GALNT11: variants seen among roughly 807,000 people sequenced by gnomAD.
GALNT11 encodes UDP-GalNAc:polypeptide N-acetylgalactosaminyltransferase 11.
Under a neutral mutation model 72.7 loss-of-function variants are expected in GALNT11, and 47 were observed. The observed-to-expected ratio is 0.65, with a 90% CI of 0.51 to 0.82. GALNT11 has a LOEUF of 0.82. Ranked by LOEUF, GALNT11 falls within the 40% of genes least tolerant of loss-of-function variation. The probability of loss-of-function intolerance (pLI) is 0.00; values close to 1 mark genes in which losing one functional copy is unlikely to be tolerated. For missense variants in GALNT11, 677 were observed against 778.4 expected, an observed-to-expected ratio of 0.87 and a Z score of 1.55; for synonymous variants, 270 against 286.6, an observed-to-expected ratio of 0.94 and a Z score of 0.58.
chr7:152,116,286 T>C lies in GALNT11; in HGVS notation c.1234-871T>C, dbSNP rs116725319. On this transcript the variant is annotated intron_variant, in intron 8 of 11. Transcript: ENST00000430044. ...TGTTTTTTGAATCAGAGTCTTACTC[T>C]GTTGCCCAGGCTGTAGTGCAGTGGC... is the stretch of plus-strand genomic sequence containing the variant. Among the ~76,000 whole-genome samples the C allele has an allele frequency of 6.8e-3, 1,032 of 152,312 alleles. 14 individuals carry two copies. The highest frequency in any genetic ancestry group is 0.023 in the African/African-American group (970 of 41,578).
intron 2 of GALNT11, among the ~76,000 whole-genome samples, chr7:152,098,432 AT>A (rs201497420): frequency 3.3e-5 from 5 of 151,818 alleles, no homozygotes; most frequent in East Asian, 1.9e-4. Flanking sequence ...CTCAAAAAAA[AT>A]AAATAAATAA....
intron 1 of GALNT11, among the ~76,000 whole-genome samples, chr7:152,087,768 T>G (rs528800484): frequency 1.3e-5 from 2 of 152,296 alleles, no homozygotes; most frequent in South Asian, 4.1e-4. Context: ...AAGGGTGGTG[T>G]TTTGTGTGTC....
chr7:152,026,977 C>A (rs536473753), intron 1 of GALNT11, among the ~76,000 whole-genome samples: 1 of 152,172 alleles, frequency 6.6e-6, no homozygotes, highest in Non-Finnish European at 1.5e-5. Flanking sequence ...TAGCCGGGTG[C>A]GGTGGCTCAC....
chr7:152,119,162 C>T (rs918446696), intron 10 of GALNT11: 9 of 154,958 alleles, frequency 5.8e-5, no homozygotes, highest in Admixed American at 1.3e-4. Flanking sequence ...TAATATTATG[C>T]GGAATAAATT....
intron 1 of GALNT11, among the ~76,000 whole-genome samples, chr7:152,061,221 C>G (rs995509431): frequency 8.5e-5 from 13 of 152,130 alleles, no homozygotes; most frequent in Admixed American, 1.3e-4. Flanking sequence ...TCTCTGATGG[C>G]CAGTGATGAT....
intron 9 of GALNT11, chr7:152,117,776 G>C (rs879582776): frequency 1.0e-5 from 2 of 195,176 alleles, no homozygotes; most frequent in Admixed American, 5.7e-5. Context: ...GTGGTAGTGA[G>C]GGTCAGAGTG....
chr7:152,090,548 C>T (rs749408693), intron 1 of GALNT11, among the ~76,000 whole-genome samples: 6 of 152,288 alleles, frequency 3.9e-5, no homozygotes, highest in African/African-American at 7.2e-5. Context: ...CTAGTTACTT[C>T]GTTACCATTG....
At chr7:152,079,926 G>A (rs1251698885) in intron 1 of GALNT11, among the ~76,000 whole-genome samples, 1 of 152,114 alleles carries the variant, frequency 6.6e-6, no homozygotes, top group African/African-American at 2.4e-5. Context: ...TATCTTACAA[G>A]AAAATAGCTG....
intron 1 of GALNT11, among the ~76,000 whole-genome samples, chr7:152,069,097 C>T (rs1216203648): frequency 2.0e-5 from 3 of 152,190 alleles, no homozygotes; most frequent in Non-Finnish European, 4.4e-5. Context: ...TTTCTCTAAA[C>T]ACTGTGTGCT....
intron 5 of GALNT11, among the ~76,000 whole-genome samples, chr7:152,106,508 C>G (rs1175586631): frequency 6.6e-6 from 1 of 151,910 alleles, no homozygotes. Context: ...AGACTGAATT[C>G]AAGGCTTGTG....
intron 1 of GALNT11, among the ~76,000 whole-genome samples, chr7:152,044,980 G>C (rs1277610516): frequency 1.3e-5 from 2 of 151,818 alleles, no homozygotes; most frequent in Non-Finnish European, 2.9e-5. Context: ...GTTTTTTGAG[G>C]TTTTTATCAT....
chr7:152,076,910 G>A (rs1225750868), intron 1 of GALNT11, among the ~76,000 whole-genome samples: 2 of 152,246 alleles, frequency 1.3e-5, no homozygotes, highest in Non-Finnish European at 2.9e-5. Flanking sequence ...AGTTCACGAT[G>A]TATGGAGGAA....
chr7:152,118,918 G>A (rs762226701), intron 10 of GALNT11, 136 bp downstream of exon 10: 29 of 603,904 alleles, frequency 4.8e-5, no homozygotes, highest in South Asian at 8.0e-5. Context: ...GTAGTGTTGC[G>A]TTATTGGAAC....
At chr7:152,034,366 A>T (rs2082453557) in intron 1 of GALNT11, among the ~76,000 whole-genome samples, 2 of 152,224 alleles carry the variant, frequency 1.3e-5, no homozygotes, top group African/African-American at 4.8e-5. Context: ...TCCCTCTTAC[A>T]GAAAAGGTCA....
intron 1 of GALNT11, chr7:152,027,486 G>A (rs1165504354): frequency 6.5e-6 from 1 of 153,810 alleles, no homozygotes; most frequent in African/African-American, 2.4e-5. Context: ...GCAACATGCT[G>A]TTTTAATAAG....
intron 1 of GALNT11, among the ~76,000 whole-genome samples, chr7:152,084,638 C>T (rs182969041): frequency 2.2e-4 from 33 of 152,194 alleles, no homozygotes; most frequent in African/African-American, 6.7e-4. Context: ...CATTCATTTC[C>T]GAGGATGTGG....
intron 5 of GALNT11, 92 bp from the exon 6 acceptor site, chr7:152,107,946 T>C (rs984739073): frequency 1.4e-6 from 2 of 1,453,868 alleles, no homozygotes; most frequent in Non-Finnish European, 9.3e-7. Flanking sequence ...TCGTGTTTCA[T>C]GCTGTGTCAG....
intron 1 of GALNT11, among the ~76,000 whole-genome samples, chr7:152,042,409 T>C (rs1447836317): frequency 6.6e-6 from 1 of 152,256 alleles, no homozygotes; most frequent in Non-Finnish European, 1.5e-5. Context: ...GGGGAAAATG[T>C]TGGAGCTATG....
intron 1 of GALNT11, among the ~76,000 whole-genome samples, chr7:152,084,213 G>A (rs541953107): frequency 6.6e-6 from 1 of 150,990 alleles, no homozygotes; most frequent in African/African-American, 2.4e-5. Flanking sequence ...TGGGACTGGG[G>A]TCAATTTTAA....
Sources: allele counts gnomAD v4.1 joint callset (sites outside exome capture counted in the v4.1 genomes callset), GRCh38; gene constraint gnomAD v4.1.1; transcripts MANE v1.5; gene names NCBI Gene and HGNC (gene_info 2026-07-23, HGNC 2026-07-21).